Variants in FNBP1L observed in about 807,000 individuals in gnomAD.
The protein encoded by FNBP1L is formin binding protein 1 like.
FNBP1L carries 36 observed loss-of-function variants against 91.2 expected under a neutral mutation model. The ratio of observed to expected loss-of-function variants is 0.39; its 90% CI spans 0.30 to 0.52. FNBP1L has a LOEUF of 0.52. Among genes scored for constraint, FNBP1L ranks in the 20% least tolerant of loss-of-function variants. The pLI is 0.66. For synonymous variants in FNBP1L, 242 were observed against 237.0 expected, an observed-to-expected ratio of 1.02 and a Z score of -0.19; for missense variants, 571 against 732.1, an observed-to-expected ratio of 0.78 and a Z score of 2.54.
At chr1:93,468,429 T>C (rs1669166956) in intron 1 of FNBP1L, among the ~76,000 whole-genome samples, 1 of 152,234 alleles carries the variant, frequency 6.6e-6, no homozygotes, top group Non-Finnish European at 1.5e-5. Flanking sequence ...ACGGACAAAT[T>C]TTTCTTTCTG....
At chr1:93,469,847 A>G (rs914349555) in intron 1 of FNBP1L, among the ~76,000 whole-genome samples, 1 of 152,142 alleles carries the variant, frequency 6.6e-6, no homozygotes, top group African/African-American at 2.4e-5. Context: ...ATGGTGGTGC[A>G]CACTTGTCGT....
At chr1:93,551,328 G>A (rs1266099191) in intron 16 of FNBP1L, 9 of 1,213,186 alleles carry the variant, frequency 7.4e-6, no homozygotes, top group Non-Finnish European at 8.2e-6. Flanking sequence ...TAACGTTGGT[G>A]TGAAGCTTAA....
chr1:93,450,336 T>G (rs1039761934), intron 1 of FNBP1L, among the ~76,000 whole-genome samples: 1 of 152,208 alleles, frequency 6.6e-6, no homozygotes, highest in Non-Finnish European at 1.5e-5. Context: ...TTTGTGTCCT[T>G]TGGAAATTCT....
chr1:93,542,362 C>T (rs1557819546), intron 11 of FNBP1L, among the ~76,000 whole-genome samples: 3 of 145,096 alleles, frequency 2.1e-5, no homozygotes, highest in Non-Finnish European at 4.5e-5. Flanking sequence ...TCTAAAGGAA[C>T]TCAACAAAGG....
chr1:93,504,851 A>G (rs887897118), intron 2 of FNBP1L, among the ~76,000 whole-genome samples: 2 of 152,084 alleles, frequency 1.3e-5, no homozygotes, highest in Non-Finnish European at 2.9e-5. Context: ...CAGATATATG[A>G]TTTGCACATT....
rs569134504 is a variant in FNBP1L at position 93,463,648 on chromosome 1, C to T, written c.24+15343C>T. On this transcript the variant is annotated intron_variant, in intron 1 of 16. Coordinates refer to ENST00000271234, the MANE Select transcript of FNBP1L (RefSeq NM_001164473.3). ...TCTGCCTGCCATCCATTTGCTTAAT[C>T]GTTTATTTCCAGTATATATGTATTG... 6.6e-4 allele frequency among the ~76,000 whole-genome samples: 101 copies of T among 152,246 alleles called. 2 individuals are homozygous for T. The highest frequency in any genetic ancestry group is 4.9e-4 in the Non-Finnish European group (33 of 68,018).
At chr1:93,465,382 T>G (rs1669040774) in intron 1 of FNBP1L, among the ~76,000 whole-genome samples, 1 of 150,814 alleles carries the variant, frequency 6.6e-6, no homozygotes, top group African/African-American at 2.4e-5. Context: ...GGCCGCGGTG[T>G]GTGATGTTCA....
intron 10 of FNBP1L, among the ~76,000 whole-genome samples, chr1:93,539,766 A>G (rs1450317029): frequency 6.6e-6 from 1 of 150,784 alleles, no homozygotes. Flanking sequence ...ATAGCAAAAT[A>G]AATTTTTTTG....
At chr1:93,449,086 C>T (rs918165382) in intron 1 of FNBP1L, among the ~76,000 whole-genome samples, 12 of 152,210 alleles carry the variant, frequency 7.9e-5, no homozygotes, top group African/African-American at 2.7e-4. Flanking sequence ...CTTCCCTTTC[C>T]GTTCTTTATT....
rs1332416186 is a variant in FNBP1L, at chr1:93,463,494, T to C, written c.24+15189T>C. 3.3e-5 allele frequency among the ~76,000 whole-genome samples: 5 copies of C among 152,164 alleles called. No individual in the cohort carries two copies. In the East Asian group the frequency reaches 9.6e-4, roughly 29 times the overall value. ...GACCGTCTGTGTACATATTTATAAA[T>C]ATTTCCTTATGTAACCATCTGTATT... On this transcript the variant is annotated intron_variant, in intron 1 of 16. Transcript: ENST00000271234.
chr1:93,521,399 GA>G (rs945299495), intron 2 of FNBP1L, among the ~76,000 whole-genome samples: 1 of 151,554 alleles, frequency 6.6e-6, no homozygotes, highest in Non-Finnish European at 1.5e-5. Flanking sequence ...CTCAATTTGT[GA>G]AAAAAAAGCG....
At chr1:93,508,852 G>C (rs758003828) in intron 2 of FNBP1L, among the ~76,000 whole-genome samples, 9 of 152,170 alleles carry the variant, frequency 5.9e-5, no homozygotes, top group Non-Finnish European at 1.3e-4. Context: ...TAGGGATCCA[G>C]GTACTTAGAG....
intron 1 of FNBP1L, among the ~76,000 whole-genome samples, chr1:93,496,619 G>A (rs1033225079): frequency 3.3e-5 from 5 of 152,028 alleles, no homozygotes; most frequent in African/African-American, 9.7e-5. Context: ...GCTAAGGCTG[G>A]TCTTGAACTC....
At chr1:93,524,979 T>A (rs923425350) in intron 5 of FNBP1L, among the ~76,000 whole-genome samples, 2 of 151,888 alleles carry the variant, frequency 1.3e-5, no homozygotes, top group Non-Finnish European at 2.9e-5. Context: ...AATGCTCTCG[T>A]ATATAATTTG....
intron 14 of FNBP1L, among the ~76,000 whole-genome samples, chr1:93,548,211 G>T (rs1672302484): frequency 6.6e-6 from 1 of 152,120 alleles, no homozygotes; most frequent in Non-Finnish European, 1.5e-5. Context: ...CAAATTACTG[G>T]TTTTTGTTAT....
chr1:93,448,973 A>T (rs1231062965), intron 1 of FNBP1L, among the ~76,000 whole-genome samples: 3 of 152,250 alleles, frequency 2.0e-5, no homozygotes, highest in Admixed American at 6.5e-5. Flanking sequence ...CCCCGGCTGC[A>T]GCCTTTGGGC....
At chr1:93,464,174 G>C (rs1478441766) in intron 1 of FNBP1L, among the ~76,000 whole-genome samples, 3 of 152,118 alleles carry the variant, frequency 2.0e-5, no homozygotes, top group Non-Finnish European at 4.4e-5. Flanking sequence ...CAGTGTGGTG[G>C]TTTCTCCAAA....
intron 2 of FNBP1L, among the ~76,000 whole-genome samples, chr1:93,509,540 C>A (rs753686600): frequency 2.0e-5 from 3 of 152,230 alleles, no homozygotes; most frequent in Non-Finnish European, 4.4e-5. Flanking sequence ...TAAAACGTGT[C>A]CCCTACAGAC....
chr1:93,543,662 G>A (rs1047394499), intron 11 of FNBP1L, among the ~76,000 whole-genome samples: 6 of 152,134 alleles, frequency 3.9e-5, no homozygotes, highest in African/African-American at 1.2e-4. Flanking sequence ...CATTCTGAAT[G>A]TCATGGCAAT....
Sources: allele counts gnomAD v4.1 joint callset (sites outside exome capture counted in the v4.1 genomes callset), GRCh38; gene constraint gnomAD v4.1.1; transcripts MANE v1.5; gene names NCBI Gene and HGNC (gene_info 2026-07-23, HGNC 2026-07-21).